Variants in ADGRL2 observed in about 807,000 individuals in gnomAD.
ADGRL2 encodes calcium-independent alpha-latrotoxin receptor 2.
Under a neutral mutation model 157.4 loss-of-function variants are expected in ADGRL2, and 44 were observed. The ratio of observed to expected loss-of-function variants is 0.28; its 90% CI spans 0.22 to 0.36. The LOEUF (loss-of-function observed/expected upper bound fraction) is 0.36, where lower values mean the gene tolerates loss of function less well. Ranked by LOEUF, ADGRL2 falls within the 10% of genes least tolerant of loss-of-function variation. The pLI is 1.00. For missense variants in ADGRL2, 1,510 were observed against 1,768.9 expected (o/e 0.85, Z 2.63); for synonymous variants, 585 against 624.7 (o/e 0.94, Z 0.95).
intron 1 of ADGRL2, among the ~76,000 whole-genome samples, chr1:81,817,969 G>A (rs2090583904): frequency 6.6e-6 from 1 of 151,928 alleles, no homozygotes; most frequent in Non-Finnish European, 1.5e-5. Flanking sequence ...TTCGAGATCG[G>A]CCTGGGTAAC....
At chr1:81,352,011 A>G (rs1662932170) in intron 1 of ADGRL2, among the ~76,000 whole-genome samples, 1 of 152,242 alleles carries the variant, frequency 6.6e-6, no homozygotes, top group South Asian at 2.1e-4. Flanking sequence ...GCATACACAG[A>G]TGTTTTCCAA....
intron 3 of ADGRL2, among the ~76,000 whole-genome samples, chr1:81,619,190 C>T (rs1390390884): frequency 2.0e-5 from 3 of 151,940 alleles, no homozygotes; most frequent in African/African-American, 7.3e-5. Flanking sequence ...GAGATCAGCA[C>T]CTTGATATAC....
In ADGRL2 at chr1:81,705,012, A is replaced by G. The variant is rs531692216; in HGVS notation, c.-143+5204A>G. On this transcript the variant is annotated intron_variant, in intron 1 of 20. Transcript: ENST00000359929. The stretch of plus-strand genomic sequence containing the variant: ...TGCATGTAGATATGGGAATGCACAT[A>G]AACATGAACAAAACAGTGTTGTTGT... Among the ~76,000 whole-genome samples the G allele has an allele frequency of 2.0e-4, 30 of 152,324 alleles. No homozygotes were observed. The South Asian group carries it at 2.3e-3, about 12-fold the overall frequency.
At chr1:81,860,534 T>C (rs2093356055) in intron 2 of ADGRL2, among the ~76,000 whole-genome samples, 1 of 152,138 alleles carries the variant, frequency 6.6e-6, no homozygotes, top group South Asian at 2.1e-4. Context: ...TAGCAAATTT[T>C]ATAATCATAT....
intron 3 of ADGRL2, among the ~76,000 whole-genome samples, chr1:81,692,776 A>C (rs374660071): frequency 1.5e-4 from 23 of 152,358 alleles, no homozygotes; most frequent in African/African-American, 5.5e-4. Flanking sequence ...AATATTTAAT[A>C]AAACATTCAA....
intron 2 of ADGRL2, among the ~76,000 whole-genome samples, chr1:81,879,712 G>C (rs1034251545): frequency 6.6e-6 from 1 of 151,990 alleles, no homozygotes; most frequent in African/African-American, 2.4e-5. Flanking sequence ...AAAACAGGTC[G>C]TTTAAATATG....
intron 11 of ADGRL2, among the ~76,000 whole-genome samples, chr1:81,962,645 G>A (rs943288792): frequency 6.6e-5 from 10 of 152,022 alleles, no homozygotes; most frequent in Non-Finnish European, 1.3e-4. Flanking sequence ...GCCTTTTACA[G>A]TTATGTCTTG....
chr1:81,602,421 C>T (rs977460257), intron 3 of ADGRL2, among the ~76,000 whole-genome samples: 5 of 151,818 alleles, frequency 3.3e-5, no homozygotes, highest in Non-Finnish European at 2.9e-5. Context: ...GGTGAAACCC[C>T]GTCTCCACTA....
intron 2 of ADGRL2, among the ~76,000 whole-genome samples, chr1:81,856,824 G>A (rs944808562): frequency 1.3e-5 from 2 of 151,726 alleles, no homozygotes; most frequent in African/African-American, 4.8e-5. Context: ...AAAAATTAGG[G>A]CCTTAATATT....
intron 1 of ADGRL2, among the ~76,000 whole-genome samples, chr1:81,343,078 TTCTTTTTTCTTTTC>T (rs1662196300): frequency 7.8e-6 from 1 of 128,484 alleles, no homozygotes; most frequent in Admixed American, 8.4e-5. Context: ...TTTTCTTTTT[TTCTTTTTTCTTTTC>T]TTTTTTTTTT....
intron 3 of ADGRL2, among the ~76,000 whole-genome samples, chr1:81,650,436 C>A (rs932910131): frequency 7.3e-5 from 11 of 151,166 alleles, no homozygotes; most frequent in African/African-American, 2.7e-4. Flanking sequence ...ATTAGCTGGG[C>A]ATGGTGGCAC....
chr1:81,979,843 G>T (rs1553213267), intron 17 of ADGRL2, 26 bp from the exon 18 acceptor site: 3 of 1,298,970 alleles, frequency 2.3e-6, no homozygotes, highest in Middle Eastern at 1.9e-4. Context: ...GTTCATTGTG[G>T]TCTAATTCTT....
At chr1:81,370,618 A>C (rs1463100356) in intron 1 of ADGRL2, among the ~76,000 whole-genome samples, 1 of 152,156 alleles carries the variant, frequency 6.6e-6, no homozygotes, top group East Asian at 1.9e-4. Flanking sequence ...CCTCCCCTAC[A>C]AAAAAGTTTT....
chr1:81,420,244 AT>A (rs2077101504), intron 1 of ADGRL2, among the ~76,000 whole-genome samples: 1 of 152,208 alleles, frequency 6.6e-6, no homozygotes, highest in Non-Finnish European at 1.5e-5. Flanking sequence ...TCATCAGCAT[AT>A]TGGATACTAT....
intron 2 of ADGRL2, chr1:81,505,258 C>G (rs1052831108): frequency 7.5e-6 from 4 of 534,570 alleles, no homozygotes; most frequent in African/African-American, 7.5e-5. Context: ...CTCCTCTGGC[C>G]TCAGCCTGCA....
chr1:81,860,068 C>CA (rs1427988794), intron 2 of ADGRL2, among the ~76,000 whole-genome samples: 2 of 151,874 alleles, frequency 1.3e-5, no homozygotes, highest in African/African-American at 2.4e-5. Flanking sequence ...ACTAAAAATA[C>CA]AAAAAATTAG....
At chr1:81,950,618 C>G (rs1293698982) in intron 7 of ADGRL2, 136 bp downstream of exon 7, 1 of 825,298 alleles carries the variant, frequency 1.2e-6, no homozygotes, top group Admixed American at 2.9e-5. Context: ...AATATAACAT[C>G]TATGGACAAA....
At chr1:81,343,827 G>A (rs1044147535) in intron 1 of ADGRL2, among the ~76,000 whole-genome samples, 1 of 152,104 alleles carries the variant, frequency 6.6e-6, no homozygotes. Context: ...TTAGGACCTC[G>A]TCTGAACCTA....
chr1:81,370,779 C>T (rs1212784360), intron 1 of ADGRL2, among the ~76,000 whole-genome samples: 1 of 151,892 alleles, frequency 6.6e-6, no homozygotes, highest in Non-Finnish European at 1.5e-5. Context: ...ATGATTTTGC[C>T]CCATGTGCTT....
Sources: gnomAD v4.1 joint callset for allele counts (sites outside exome capture counted in the v4.1 genomes callset) on GRCh38, gnomAD v4.1.1 for gene constraint, MANE v1.5 for transcripts, NCBI Gene and HGNC (gene_info 2026-07-23, HGNC 2026-07-21) for gene names.